RBFOX1: variants seen among roughly 807,000 people sequenced by gnomAD.
The protein encoded by RBFOX1 is RNA binding protein fox-1 homolog 1.
RBFOX1 carries 8 observed loss-of-function variants against 57.7 expected under a neutral mutation model. The ratio of observed to expected loss-of-function variants is 0.14; its 90% CI spans 0.08 to 0.25. RBFOX1 has a LOEUF of 0.25. Among genes scored for constraint, RBFOX1 ranks in the 10% least tolerant of loss-of-function variants. The probability of loss-of-function intolerance (pLI) is 1.00; values close to 1 mark genes in which losing one functional copy is unlikely to be tolerated. For synonymous variants in RBFOX1, 326 were observed against 222.4 expected, an observed-to-expected ratio of 1.47 and a Z score of -4.15; for missense variants, 611 against 548.5, an observed-to-expected ratio of 1.11 and a Z score of -1.14.
At chr16:5,764,655 A>G (rs1481690336) in intron 3 of RBFOX1, among the ~76,000 whole-genome samples, 1 of 152,148 alleles carries the variant, frequency 6.6e-6, no homozygotes, top group African/African-American at 2.4e-5. Flanking sequence ...AGAGGCAATT[A>G]TCAGTAAACC....
intron 2 of RBFOX1, among the ~76,000 whole-genome samples, chr16:6,430,292 C>T (rs1011225096): frequency 2.0e-5 from 3 of 152,116 alleles, no homozygotes; most frequent in Non-Finnish European, 2.9e-5. Context: ...CTCAGTCTCT[C>T]CTCTTGAGGA....
chr16:5,798,612 G>T (rs2054956945), intron 3 of RBFOX1, among the ~76,000 whole-genome samples: 1 of 152,210 alleles, frequency 6.6e-6, no homozygotes, highest in Non-Finnish European at 1.5e-5. Flanking sequence ...GGGTCTTGTG[G>T]TCTGGATCAC....
Position 6,439,023 on chromosome 16 carries a change from T to C in RBFOX1, c.-64+121966T>C, listed in dbSNP as rs573458901. ...TTAGAATAGCCTGGTTTTCTGTGGG[T>C]GTGAGAGATGTCCTGGAAACTGACC... is the stretch of plus-strand genomic sequence containing the variant. On this transcript the variant is annotated intron_variant, in intron 2 of 15. Transcript: ENST00000550418. Among the ~76,000 whole-genome samples the C allele has an allele frequency of 1.3e-3, 195 of 152,264 alleles. 1 individual carries two copies. In the Middle Eastern group the frequency reaches 0.014, roughly 11 times the overall value.
intron 3 of RBFOX1, among the ~76,000 whole-genome samples, chr16:6,875,996 C>G (rs572687775): frequency 1.3e-5 from 2 of 151,412 alleles, no homozygotes; most frequent in South Asian, 4.2e-4. Flanking sequence ...GAACTTGTCT[C>G]AAAAAATAAT....
intron 1 of RBFOX1, among the ~76,000 whole-genome samples, chr16:5,454,789 C>CTT (rs1567534400): frequency 4.5e-4 from 58 of 127,934 alleles, no homozygotes; most frequent in African/African-American, 1.2e-3. Flanking sequence ...TTCTTTCTTT[C>CTT]TCTTTCTTTC....
intron 3 of RBFOX1, among the ~76,000 whole-genome samples, chr16:6,757,547 C>T (rs535809059): frequency 2.4e-4 from 36 of 151,962 alleles, no homozygotes; most frequent in Non-Finnish European, 4.1e-4. Flanking sequence ...AAGCTGAGCA[C>T]AGAAAGACAA....
intron 1 of RBFOX1, among the ~76,000 whole-genome samples, chr16:5,310,743 ATCTTT>A (rs2064065193): frequency 6.6e-6 from 1 of 152,218 alleles, no homozygotes; most frequent in Non-Finnish European, 1.5e-5. Flanking sequence ...GCTGTCATCC[ATCTTT>A]TCTTTCCTTT....
At chr16:5,967,967 A>T (rs768421094) in intron 4 of RBFOX1, among the ~76,000 whole-genome samples, 2 of 152,154 alleles carry the variant, frequency 1.3e-5, no homozygotes, top group Non-Finnish European at 2.9e-5. Flanking sequence ...TATATATGTT[A>T]CTTATGACTA....
rs564655767 is a variant in RBFOX1, at chr16:5,423,181, A to C, written c.220-44035A>C. Among the ~76,000 whole-genome samples the C allele has an allele frequency of 2.0e-5, 3 of 152,146 alleles. No homozygotes were observed. In the South Asian group the frequency reaches 6.2e-4, roughly 32 times the overall value. ...TATGGACTCAAGAAGTTACAACAGT[A>C]GTAAATAGAGTCCCATGAATATTTT... On this transcript the variant is annotated intron_variant, in intron 1 of 2. Transcript: ENST00000585867.
At chr16:6,947,350 C>T (rs2079751495) in intron 3 of RBFOX1, among the ~76,000 whole-genome samples, 1 of 152,136 alleles carries the variant, frequency 6.6e-6, no homozygotes. Context: ...ATTATGAAGA[C>T]ACCTGGGTGC....
intron 3 of RBFOX1, among the ~76,000 whole-genome samples, chr16:6,938,137 G>A: frequency 6.6e-6 from 1 of 152,016 alleles, no homozygotes; most frequent in Admixed American, 6.5e-5. Flanking sequence ...TAGAAATTTT[G>A]AACTATTCAA....
intron 1 of RBFOX1, among the ~76,000 whole-genome samples, chr16:6,101,116 A>C (rs1045339450): frequency 3.3e-5 from 5 of 152,194 alleles, no homozygotes; most frequent in African/African-American, 1.2e-4. Flanking sequence ...CTTCCTCTGT[A>C]AAATGGGTAT....
chr16:6,040,508 G>T (rs1041143492), intron 1 of RBFOX1, among the ~76,000 whole-genome samples: 1 of 152,110 alleles, frequency 6.6e-6, no homozygotes, highest in Non-Finnish European at 1.5e-5. Flanking sequence ...TGTCCTCAGG[G>T]TTTATCTGCG....
rs558671629 is a variant in RBFOX1 at position 7,627,458 on chromosome 16, G to A, written c.677-3145G>A. ...TAAGGAATTTGATAAAAGCACAGAA[G>A]TCTGAGAAGTACAGGATGTCATCAT... On this transcript the variant is annotated intron_variant, in intron 10 of 15. Transcript: ENST00000550418. 5.9e-5 allele frequency among the ~76,000 whole-genome samples: 9 copies of A among 152,332 alleles called. No individual in the cohort carries two copies. In the East Asian group the frequency reaches 1.2e-3, roughly 20 times the overall value.
intron 4 of RBFOX1, among the ~76,000 whole-genome samples, chr16:7,475,148 C>T (rs2062384326): frequency 6.6e-6 from 1 of 152,084 alleles, no homozygotes; most frequent in Non-Finnish European, 1.5e-5. Flanking sequence ...TTGTCTTTCA[C>T]GTGGAGACAT....
chr16:5,741,558 T>C (rs981706254), intron 3 of RBFOX1, among the ~76,000 whole-genome samples: 7 of 152,238 alleles, frequency 4.6e-5, no homozygotes, highest in Non-Finnish European at 8.8e-5. Context: ...TTTTAATCAT[T>C]AAAGGAGATG....
intron 1 of RBFOX1, among the ~76,000 whole-genome samples, chr16:6,123,819 G>T (rs2096569057): frequency 6.6e-6 from 1 of 152,126 alleles, no homozygotes; most frequent in Non-Finnish European, 1.5e-5. Flanking sequence ...GTCCAGGGAT[G>T]TCTTGACCCT....
intron 4 of RBFOX1, among the ~76,000 whole-genome samples, chr16:7,217,190 C>T (rs78611795): frequency 0.12 from 17,783 of 150,570 alleles, 1,549 homozygotes; most frequent in African/African-American, 0.22. Context: ...CTGCAACCTC[C>T]GCCTTCCGGA....
chr16:6,519,035 C>T (rs557124857), intron 2 of RBFOX1, among the ~76,000 whole-genome samples: 2 of 151,874 alleles, frequency 1.3e-5, no homozygotes, highest in East Asian at 1.9e-4. Flanking sequence ...AAGATAAACA[C>T]TTAATTCTAA....
Sources: allele counts gnomAD v4.1 joint callset (sites outside exome capture counted in the v4.1 genomes callset), GRCh38; gene constraint gnomAD v4.1.1; transcripts MANE v1.5; gene names NCBI Gene and HGNC (gene_info 2026-07-23, HGNC 2026-07-21).